Variants in TNS1 observed in about 807,000 individuals in gnomAD.
TNS1 encodes tensin-1.
TNS1 carries 62 observed loss-of-function variants against 168.6 expected under a neutral mutation model. The ratio of observed to expected loss-of-function variants is 0.37; its 90% CI spans 0.30 to 0.45. The LOEUF is 0.45. Among genes scored for constraint, TNS1 ranks in the 20% least tolerant of loss-of-function variants. The pLI, the probability that TNS1 is intolerant of heterozygous loss-of-function variation, is 1.00. For missense variants in TNS1, 2,240 were observed against 2,339.4 expected (o/e 0.96, Z 0.88); for synonymous variants, 934 against 933.2 (o/e 1.00, Z -0.02).
intron 4 of TNS1, among the ~76,000 whole-genome samples, chr2:217,907,494 C>T (rs537867003): frequency 2.0e-5 from 3 of 152,258 alleles, no homozygotes; most frequent in Middle Eastern, 3.2e-3. Context: ...AAGACCCACG[C>T]TCAGTGCCCG....
intron 18 of TNS1, among the ~76,000 whole-genome samples, chr2:217,851,770 G>T (rs1242862237): frequency 6.6e-6 from 1 of 152,174 alleles, no homozygotes; most frequent in Non-Finnish European, 1.5e-5. Flanking sequence ...ATCGTAAAGG[G>T]GTCCTCTCCC....
At chr2:217,998,335 G>A (rs147693159) in intron 1 of TNS1, among the ~76,000 whole-genome samples, 31 of 151,902 alleles carry the variant, frequency 2.0e-4, no homozygotes, top group African/African-American at 7.5e-4. Flanking sequence ...TGAATATCAA[G>A]CCCATTTTCT....
At chr2:217,881,339 G>A in intron 17 of TNS1, 1 of 258,256 alleles carries the variant, frequency 3.9e-6, no homozygotes, top group East Asian at 8.4e-5. Flanking sequence ...TGTCCCTGGG[G>A]CTCCTGAGGC....
At chr2:217,988,899 A>G (rs1958274853) in intron 2 of TNS1, among the ~76,000 whole-genome samples, 1 of 152,132 alleles carries the variant, frequency 6.6e-6, no homozygotes, top group African/African-American at 2.4e-5. Context: ...TGACCATCAG[A>G]TGAGGTCATG....
intron 4 of TNS1, among the ~76,000 whole-genome samples, chr2:217,911,970 A>G (rs1954459361): frequency 6.6e-6 from 1 of 152,268 alleles, no homozygotes; most frequent in African/African-American, 2.4e-5. Flanking sequence ...GACAACAGAG[A>G]GAACTTCCTG....
Position 217,885,830 on chromosome 2 carries a change from G to C in TNS1, c.1041-11C>G. 3.7e-6 allele frequency: 6 copies of C among 1,614,018 alleles called. No individual in the cohort carries two copies. The highest frequency in any genetic ancestry group is 4.2e-6 in the Non-Finnish European group (5 of 1,179,920). The stretch of plus-strand genomic sequence containing the variant: ...TCTCCTGGGATGTTGCTAAGGGAGA[G>C]AGGTGGGCAGAAAAAGAGTGGGCTG... On this transcript the variant is annotated splice_polypyrimidine_tract_variant and intron_variant, in intron 14 of 32. Coordinates refer to ENST00000682258, the MANE Select transcript of TNS1 (RefSeq NM_001387777.1).
At chr2:217,927,178 T>C (rs1956073999) in intron 3 of TNS1, among the ~76,000 whole-genome samples, 1 of 151,800 alleles carries the variant, frequency 6.6e-6, no homozygotes, top group African/African-American at 2.4e-5. Flanking sequence ...TTTTGAAAGG[T>C]AGAGATGGGG....
chr2:217,859,302 C>T, intron 18 of TNS1: 1 of 325,404 alleles, frequency 3.1e-6, no homozygotes. Flanking sequence ...GAAGGCAGAA[C>T]AGATGACAAC....
intron 19 of TNS1, among the ~76,000 whole-genome samples, chr2:217,846,772 C>A (rs1946706121): frequency 6.6e-6 from 1 of 152,234 alleles, no homozygotes; most frequent in South Asian, 2.1e-4. Context: ...GAGTGTCCCA[C>A]TTTCCTCTCT....
At chr2:217,842,200 C>T (rs1486116841) in intron 19 of TNS1, 1 of 695,270 alleles carries the variant, frequency 1.4e-6, no homozygotes, top group Non-Finnish European at 2.6e-6. Flanking sequence ...TTGCCCAGTG[C>T]TATGCTTAAT....
upstream of TNS1, among the ~76,000 whole-genome samples, chr2:218,011,590 C>T (rs1958706800): frequency 6.6e-6 from 1 of 152,222 alleles, no homozygotes; most frequent in African/African-American, 2.4e-5. Flanking sequence ...TCCCTGTCCC[C>T]TTCCTCTCCT....
At chr2:217,855,944 C>A (rs1243653536) in intron 18 of TNS1, among the ~76,000 whole-genome samples, 2 of 152,128 alleles carry the variant, frequency 1.3e-5, no homozygotes, top group Non-Finnish European at 2.9e-5. Context: ...CAGAGCCTAC[C>A]CCATGGCATC....
At chr2:218,004,493 C>T (rs565971251), upstream of TNS1, among the ~76,000 whole-genome samples, 33 of 152,298 alleles carry the variant, frequency 2.2e-4, no homozygotes, top group African/African-American at 7.7e-4. Flanking sequence ...AGCCCAGGGA[C>T]CACCCAAGAC....
chr2:217,893,366 T>G, intron 10 of TNS1, 73 bp downstream of exon 10: 1 of 1,503,720 alleles, frequency 6.7e-7, no homozygotes. Context: ...AAGGACACAT[T>G]CAGGCACACA....
intron 2 of TNS1, among the ~76,000 whole-genome samples, chr2:217,985,981 G>C (rs142937055): frequency 1.3e-5 from 2 of 152,106 alleles, no homozygotes; most frequent in African/African-American, 4.8e-5. Flanking sequence ...GGCCCCTAAA[G>C]CTCCTCCAAA....
chr2:217,809,844 G>A lies in TNS1; in HGVS notation c.5252C>T (p.Thr1751Ile), dbSNP rs1361170595. Residue 1751 changes from threonine to isoleucine, a missense_variant, in exon 30 of 33, where the codon ACT becomes ATT. Transcript: ENST00000682258. ...VHFKVSAQGI[T>I]LTDNQRKLFF... ...TTACTTTCTCTGGTTGTCAGTCAGA[G>A]TGATTCCCTGGGCAGAGACTTTGAA... 6.2e-7 allele frequency: 1 copy of A among 1,613,932 alleles called. No homozygotes were observed.
chr2:217,860,622 C>A (rs1204398972), intron 18 of TNS1, among the ~76,000 whole-genome samples: 2 of 152,140 alleles, frequency 1.3e-5, no homozygotes, highest in Non-Finnish European at 2.9e-5. Context: ...TTGCACGCAA[C>A]CTTCATGTTT....
chr2:217,909,107 C>A (rs1954055726), intron 4 of TNS1, among the ~76,000 whole-genome samples: 1 of 150,952 alleles, frequency 6.6e-6, no homozygotes, highest in African/African-American at 2.4e-5. Flanking sequence ...CACCCCCTCC[C>A]CGCTAAAGCA....
intron 3 of TNS1, among the ~76,000 whole-genome samples, chr2:217,944,933 G>A (rs1957065601): frequency 1.3e-5 from 2 of 152,232 alleles, no homozygotes; most frequent in Non-Finnish European, 2.9e-5. Context: ...ATTTAGAAAG[G>A]AAGGGGAAAA....
Sources: gnomAD v4.1 joint callset for allele counts (sites outside exome capture counted in the v4.1 genomes callset) on GRCh38, gnomAD v4.1.1 for gene constraint, MANE v1.5 for transcripts, NCBI Gene and HGNC (gene_info 2026-07-23, HGNC 2026-07-21) for gene names.